The following PCDH11Y variants were observed in gnomAD, a reference collection of about 807,000 sequenced individuals.
The protein encoded by PCDH11Y is protocadherin-11 Y-linked.
For missense variants in PCDH11Y, 12 were observed against 224.8 expected, an observed-to-expected ratio of 0.05 and a Z score of 6.05; for synonymous variants, 9 against 83.6, an observed-to-expected ratio of 0.11 and a Z score of 4.87.
At chrY:5,273,962 C>T in intron 2 of PCDH11Y, among the ~76,000 whole-genome samples, 4 of 32,690 alleles carry the variant, frequency 1.2e-4, no homozygotes, top group African/African-American at 4.8e-4. Context: ...TTAACTAAAA[C>T]CCATCTGATA....
At chrY:5,426,493 G>T in intron 2 of PCDH11Y, among the ~76,000 whole-genome samples, 1 of 32,842 alleles carries the variant, frequency 3.0e-5, no homozygotes. Flanking sequence ...ATAGCCTTTA[G>T]ATAACTTGTA....
chrY:5,557,829 T>A (rs2053424449), intron 3 of PCDH11Y, among the ~76,000 whole-genome samples: 1 of 32,580 alleles, frequency 3.1e-5, no homozygotes, highest in Non-Finnish European at 7.6e-5. Context: ...ATGGCTCTTA[T>A]TGTTTTAAGG....
At chrY:5,060,985 T>A (rs2124628968) in intron 1 of PCDH11Y, among the ~76,000 whole-genome samples, 1 of 30,689 alleles carries the variant, frequency 3.3e-5, no homozygotes, top group Admixed American at 3.1e-4. Flanking sequence ...CCAGCCCGGG[T>A]AACAGTGAAA....
At chrY:5,398,257 AT>A (rs2053229344) in intron 2 of PCDH11Y, among the ~76,000 whole-genome samples, 1 of 30,783 alleles carries the variant, frequency 3.2e-5, no homozygotes, top group Non-Finnish European at 7.8e-5. Context: ...ACAATTTCAG[AT>A]TTTATACAAT....
At chrY:5,522,735 T>C in intron 3 of PCDH11Y, among the ~76,000 whole-genome samples, 1 of 33,900 alleles carries the variant, frequency 2.9e-5, no homozygotes, top group Non-Finnish European at 7.4e-5. Context: ...AGAGAAAAAT[T>C]ATAAAGCACT....
At chrY:5,134,331 A>G (rs2052836678) in intron 2 of PCDH11Y, among the ~76,000 whole-genome samples, 5 of 32,722 alleles carry the variant, frequency 1.5e-4, no homozygotes, top group Admixed American at 1.1e-3. Context: ...TCCATCATGG[A>G]TGCCTTTTAT....
chrY:5,386,388 G>C, intron 2 of PCDH11Y, among the ~76,000 whole-genome samples: 1 of 32,247 alleles, frequency 3.1e-5, no homozygotes, highest in Non-Finnish European at 7.5e-5. Flanking sequence ...TTTTGTATTT[G>C]AATGTCTAGG....
intron 2 of PCDH11Y, among the ~76,000 whole-genome samples, chrY:5,179,176 G>A (rs207480166): frequency 6.0e-5 from 2 of 33,064 alleles, no homozygotes; most frequent in East Asian, 1.7e-3. Flanking sequence ...TGGTATTTCC[G>A]CCTCTAGGTC....
chrY:5,127,288 C>T (rs2052826572), intron 2 of PCDH11Y, among the ~76,000 whole-genome samples: 81 of 31,527 alleles, frequency 2.6e-3, no homozygotes, highest in African/African-American at 9.7e-3. Context: ...TCACTGAAGC[C>T]TCAACCTCCC....
chrY:5,549,577 A>G (rs1602941835), intron 3 of PCDH11Y, among the ~76,000 whole-genome samples: 2 of 33,861 alleles, frequency 5.9e-5, no homozygotes, highest in African/African-American at 1.1e-4. Context: ...AGACAGAACT[A>G]CTATTTAACT....
chrY:5,106,417 T>C, downstream of PCDH11Y, among the ~76,000 whole-genome samples: 3 of 30,162 alleles, frequency 9.9e-5, no homozygotes, highest in Non-Finnish European at 2.4e-4. Context: ...TATTTCAAAT[T>C]AGTGTAATTC....
chrY:5,412,158 A>G, intron 2 of PCDH11Y, among the ~76,000 whole-genome samples: 1 of 29,125 alleles, frequency 3.4e-5, no homozygotes, highest in Non-Finnish European at 8.2e-5. Context: ...CTTCCCGGTT[A>G]GATGTTTCCC....
chrY:5,622,193 C>T (rs2053501056), intron 4 of PCDH11Y, among the ~76,000 whole-genome samples: 3 of 28,844 alleles, frequency 1.0e-4, no homozygotes, highest in Non-Finnish European at 2.5e-4. Flanking sequence ...CTACAAGGAA[C>T]TTAAATTTAC....
intron 3 of PCDH11Y, among the ~76,000 whole-genome samples, chrY:5,519,250 C>T (rs2053376640): frequency 3.2e-5 from 1 of 31,577 alleles, no homozygotes; most frequent in African/African-American, 1.2e-4. Flanking sequence ...ATTAGCTGGG[C>T]GTGGTGGCGG....
intron 2 of PCDH11Y, among the ~76,000 whole-genome samples, chrY:5,131,924 A>G: frequency 3.0e-5 from 1 of 33,597 alleles, no homozygotes; most frequent in African/African-American, 1.2e-4. Flanking sequence ...TGATATACCT[A>G]TACATTGTGA....
At chrY:5,516,524 T>C in intron 3 of PCDH11Y, among the ~76,000 whole-genome samples, 4 of 33,638 alleles carry the variant, frequency 1.2e-4, no homozygotes, top group Admixed American at 1.1e-3. Context: ...CTAGTTATTT[T>C]GTTTCAAAAC....
intron 2 of PCDH11Y, among the ~76,000 whole-genome samples, chrY:5,322,096 A>G (rs2053113617): frequency 3.1e-5 from 1 of 32,295 alleles, no homozygotes; most frequent in Non-Finnish European, 7.6e-5. Context: ...TTGCATCTCT[A>G]ATGATGGTGT....
intron 2 of PCDH11Y, among the ~76,000 whole-genome samples, chrY:5,450,768 G>T: frequency 3.1e-5 from 1 of 32,548 alleles, no homozygotes; most frequent in African/African-American, 1.2e-4. Context: ...TGTATGCTGC[G>T]CAGTTACTTG....
At chrY:5,535,671 G>T in intron 3 of PCDH11Y, among the ~76,000 whole-genome samples, 1 of 33,067 alleles carries the variant, frequency 3.0e-5, no homozygotes, top group Non-Finnish European at 7.4e-5. Flanking sequence ...TTTTGAAATC[G>T]CAAATTGTGT....
Sources: gnomAD v4.1 joint callset for allele counts (sites outside exome capture counted in the v4.1 genomes callset) on GRCh38, gnomAD v4.1.1 for gene constraint, MANE v1.5 for transcripts, NCBI Gene and HGNC (gene_info 2026-07-23, HGNC 2026-07-21) for gene names.